The following NLGN1 variants were observed in gnomAD, a reference collection of about 807,000 sequenced individuals.
NLGN1 encodes the protein neuroligin-1.
NLGN1 carries 12 observed loss-of-function variants against 65.5 expected under a neutral mutation model. That is an observed-to-expected ratio of 0.18 (90% CI 0.12 to 0.30). The LOEUF (loss-of-function observed/expected upper bound fraction) is 0.30, where lower values mean the gene tolerates loss of function less well. Ranked by LOEUF, NLGN1 falls within the 10% of genes least tolerant of loss-of-function variation. The pLI is 1.00. For missense variants in NLGN1, 750 were observed against 1,007.1 expected (o/e 0.74, Z 3.46); for synonymous variants, 350 against 359.5 (o/e 0.97, Z 0.30).
chr3:174,255,311 T>G (rs2152848512), intron 4 of NLGN1, among the ~76,000 whole-genome samples: 1 of 151,608 alleles, frequency 6.6e-6, no homozygotes, highest in Non-Finnish European at 1.5e-5. Flanking sequence ...GGCGGGCACC[T>G]TGTAGTCCCA....
chr3:173,929,072 T>G (rs1193943091), intron 4 of NLGN1, among the ~76,000 whole-genome samples: 4 of 152,224 alleles, frequency 2.6e-5, no homozygotes, highest in Non-Finnish European at 5.9e-5. Flanking sequence ...TCTAAATTTT[T>G]TAGTGAAATA....
At chr3:173,855,904 T>C (rs551063722) in intron 4 of NLGN1, among the ~76,000 whole-genome samples, 2 of 152,252 alleles carry the variant, frequency 1.3e-5, no homozygotes, top group South Asian at 4.2e-4. Context: ...TACCATAATT[T>C]TAAACAACCA....
chr3:173,603,236 A>G (rs1750833209), intron 2 of NLGN1, among the ~76,000 whole-genome samples: 1 of 152,162 alleles, frequency 6.6e-6, no homozygotes. Flanking sequence ...ACAAGAAAAG[A>G]CACATTTTTT....
chr3:173,840,311 T>C lies in NLGN1; in HGVS notation c.646+32479T>C, dbSNP rs1240194773. ...AGTTCTATGGACTACCATAAAATTATCATATTTGGTATTTGATTTGGGTTA... is the reference window on the plus strand; with the variant it reads ...AGTTCTATGGACTACCATAAAATTACCATATTTGGTATTTGATTTGGGTTA... On this transcript the variant is annotated intron_variant, in intron 4 of 6. Coordinates refer to ENST00000457714, the Ensembl canonical transcript of NLGN1. 3.9e-5 allele frequency among the ~76,000 whole-genome samples: 6 copies of C among 152,232 alleles called. No individual in the cohort carries two copies. In the East Asian group the frequency reaches 1.2e-3, roughly 29 times the overall value.
chr3:173,549,201 TTA>T (rs1213560465), intron 2 of NLGN1, among the ~76,000 whole-genome samples: 1 of 151,980 alleles, frequency 6.6e-6, no homozygotes, highest in Admixed American at 6.6e-5. Context: ...TCCAGATAAA[TTA>T]TATGTTTGAG....
intron 2 of NLGN1, among the ~76,000 whole-genome samples, chr3:173,515,660 G>A (rs145695131): frequency 8.5e-5 from 13 of 152,162 alleles, no homozygotes; most frequent in Middle Eastern, 6.8e-3. Flanking sequence ...GTTGATTTTT[G>A]TGTGATAGAA....
At chr3:173,973,826 T>A (rs1716825514) in intron 4 of NLGN1, among the ~76,000 whole-genome samples, 1 of 152,102 alleles carries the variant, frequency 6.6e-6, no homozygotes, top group Non-Finnish European at 1.5e-5. Flanking sequence ...TTTATGCTTA[T>A]TATTAGTGAT....
Position 174,162,637 on chromosome 3 carries a change from AGCTGTTGGATT to A in NLGN1, c.647-112675_647-112665del, listed in dbSNP as rs1193408556. On this transcript the variant is annotated intron_variant, in intron 4 of 6. Transcript: ENST00000457714. ...TTCATTATATTCCAACAGCTGAAGA[AGCTGTTGGATT>A]GCCCTCAATTAGAGAATGACTATGG... 2.0e-5 allele frequency among the ~76,000 whole-genome samples: 3 copies of A among 151,904 alleles called. No individual in the cohort carries two copies. In the South Asian group the frequency reaches 6.2e-4, roughly 31 times the overall value.
At chr3:173,679,131 A>G (rs990212252) in intron 3 of NLGN1, among the ~76,000 whole-genome samples, 9 of 152,004 alleles carry the variant, frequency 5.9e-5, no homozygotes, top group Non-Finnish European at 1.3e-4. Flanking sequence ...GATGTGAAAA[A>G]AAAAAAAAGT....
chr3:173,895,171 A>G (rs958837380), intron 4 of NLGN1, among the ~76,000 whole-genome samples: 2 of 152,034 alleles, frequency 1.3e-5, no homozygotes, highest in African/African-American at 4.8e-5. Flanking sequence ...TTCACTTTGT[A>G]TCCTTCCAGC....
At chr3:173,658,679 A>G (rs1320976580) in intron 3 of NLGN1, among the ~76,000 whole-genome samples, 19 of 151,948 alleles carry the variant, frequency 1.3e-4, no homozygotes. Flanking sequence ...TGCTGCTTCT[A>G]AACTAAGACT....
At chr3:173,532,733 A>G (rs1577135588) in intron 2 of NLGN1, among the ~76,000 whole-genome samples, 4 of 152,334 alleles carry the variant, frequency 2.6e-5, no homozygotes, top group Admixed American at 2.6e-4. Flanking sequence ...TGTGGCTCAC[A>G]TTTTATTTGT....
chr3:173,695,516 A>G, intron 3 of NLGN1: 1 of 341,848 alleles, frequency 2.9e-6, no homozygotes, highest in Middle Eastern at 7.3e-4. Flanking sequence ...TTATAAAACT[A>G]GACCATATAT....
chr3:174,126,695 C>T (rs938090430), intron 4 of NLGN1, among the ~76,000 whole-genome samples: 1 of 152,016 alleles, frequency 6.6e-6, no homozygotes, highest in Non-Finnish European at 1.5e-5. Context: ...TAAACCTGTG[C>T]AAATGCCATA....
intron 3 of NLGN1, among the ~76,000 whole-genome samples, chr3:173,691,326 G>C (rs1765436971): frequency 6.6e-6 from 1 of 151,878 alleles, no homozygotes; most frequent in Non-Finnish European, 1.5e-5. Flanking sequence ...CTGTCTCTCT[G>C]TTTCTCCATC....
intron 2 of NLGN1, among the ~76,000 whole-genome samples, chr3:173,511,242 T>G (rs1190226268): frequency 6.6e-6 from 1 of 152,080 alleles, no homozygotes; most frequent in Non-Finnish European, 1.5e-5. Flanking sequence ...TAAACTTTAT[T>G]TTATATAGCC....
At chr3:173,882,468 C>G (rs1419638897) in intron 4 of NLGN1, among the ~76,000 whole-genome samples, 1 of 152,192 alleles carries the variant, frequency 6.6e-6, no homozygotes, top group South Asian at 2.1e-4. Context: ...GCATAGCCAC[C>G]CTCATTCACA....
At chr3:173,618,854 GC>G (rs1240474136) in intron 3 of NLGN1, among the ~76,000 whole-genome samples, 1 of 152,034 alleles carries the variant, frequency 6.6e-6, no homozygotes, top group African/African-American at 2.4e-5. Flanking sequence ...GATAAAGCTG[GC>G]AGCGAGATCA....
chr3:173,975,360 G>A (rs1717200316), intron 4 of NLGN1, among the ~76,000 whole-genome samples: 1 of 151,858 alleles, frequency 6.6e-6, no homozygotes, highest in African/African-American at 2.4e-5. Context: ...ATGAAGAGTG[G>A]TTGATTGGGG....
Sources: allele counts gnomAD v4.1 joint callset (sites outside exome capture counted in the v4.1 genomes callset), GRCh38; gene constraint gnomAD v4.1.1; transcripts MANE v1.5; gene names NCBI Gene and HGNC (gene_info 2026-07-23, HGNC 2026-07-21).